EXT1: variants seen among roughly 807,000 people sequenced by gnomAD.
The protein encoded by EXT1 is exostosin-1.
A neutral mutation model predicts 82.5 loss-of-function variants in EXT1; 20 were observed. That is an observed-to-expected ratio of 0.24 (90% CI 0.17 to 0.35). EXT1 has a LOEUF of 0.35. EXT1 is among the 10% of genes least tolerant of loss of function. EXT1 has a pLI of 1.00. For missense variants in EXT1, 757 were observed against 936.5 expected (o/e 0.81, Z 2.50); for synonymous variants, 348 against 350.8 (o/e 0.99, Z 0.09).
intron 1 of EXT1, among the ~76,000 whole-genome samples, chr8:118,098,963 A>C (rs1817668979): frequency 6.6e-6 from 1 of 151,246 alleles, no homozygotes; most frequent in Admixed American, 6.6e-5. Flanking sequence ...TTGGTAGACA[A>C]GTTTTCAAAT....
In EXT1 at chr8:117,818,563, G is replaced by A. The variant is rs778933295; in HGVS notation, c.1537-33C>T. 6.4e-6 allele frequency: 10 copies of A among 1,551,468 alleles called. No individual in the cohort carries two copies. The Admixed American group carries it at 1.5e-4, about 23-fold the overall frequency. On this transcript the variant is annotated intron_variant, in intron 6 of 10. Coordinates refer to ENST00000378204, the MANE Select transcript of EXT1 (RefSeq NM_000127.3). Reference sequence around the variant, plus strand: ...GGATGGGGCTCATTAGATGGCTGGGGTAGGATGTATTTATGTATGCCTCCA... The same window carrying A: ...GGATGGGGCTCATTAGATGGCTGGGATAGGATGTATTTATGTATGCCTCCA...
chr8:117,887,931 C>T (rs981800965), intron 1 of EXT1, among the ~76,000 whole-genome samples: 1 of 151,408 alleles, frequency 6.6e-6, no homozygotes, highest in African/African-American at 2.4e-5. Context: ...ACTAAAAATA[C>T]AAAATTAGCC....
intron 1 of EXT1, among the ~76,000 whole-genome samples, chr8:117,929,777 T>C (rs554736254): frequency 1.3e-5 from 2 of 152,300 alleles, no homozygotes; most frequent in South Asian, 2.1e-4. Flanking sequence ...GGTATGTATC[T>C]CAATATGGGC....
At chr8:117,826,295 C>G (rs1476649936) in intron 4 of EXT1, among the ~76,000 whole-genome samples, 1 of 152,192 alleles carries the variant, frequency 6.6e-6, no homozygotes, top group Non-Finnish European at 1.5e-5. Context: ...ACCTACAACT[C>G]TAGGGCTCAT....
rs927237950 is a variant in EXT1, at chr8:118,092,942, C to T, written c.962+17143G>A. Among the ~76,000 whole-genome samples the T allele has an allele frequency of 2.6e-5, 4 of 152,218 alleles. No individual in the cohort carries two copies. In the South Asian group the frequency reaches 6.2e-4, roughly 24 times the overall value. ...GAATAGGAGCAAACTGAGAAAGCTC[C>T]CAGGCCACACCATGCCTGGGAGTTC... On this transcript the variant is annotated intron_variant, in intron 1 of 10. Transcript: ENST00000378204.
intron 6 of EXT1, 77 bp downstream of exon 6, chr8:117,819,599 G>A (rs1811887834): frequency 3.2e-6 from 4 of 1,250,684 alleles, no homozygotes; most frequent in Non-Finnish European, 4.7e-6. Context: ...GAGCCCGGGG[G>A]ATAACAGGTA....
At chr8:117,999,908 A>T (rs1449632944) in intron 1 of EXT1, among the ~76,000 whole-genome samples, 1 of 152,110 alleles carries the variant, frequency 6.6e-6, no homozygotes, top group African/African-American at 2.4e-5. Flanking sequence ...AGCTAAAAGG[A>T]GATTTTTCAC....
chr8:117,823,647 T>A (rs1811960894), intron 4 of EXT1, among the ~76,000 whole-genome samples: 1 of 152,206 alleles, frequency 6.6e-6, no homozygotes, highest in Non-Finnish European at 1.5e-5. Flanking sequence ...GCTAAGGTTA[T>A]TAACACCCTC....
chr8:117,812,145 T>C (rs1823336190), intron 8 of EXT1, among the ~76,000 whole-genome samples: 1 of 152,242 alleles, frequency 6.6e-6, no homozygotes, highest in Admixed American at 6.5e-5. Context: ...CCATTAATAA[T>C]GTATTTCTCA....
chr8:117,812,670 A>G lies in EXT1; in HGVS notation c.1722+202T>C, dbSNP rs10955835. On this transcript the variant is annotated intron_variant, in intron 8 of 10. Coordinates refer to ENST00000378204, the MANE Select transcript of EXT1 (RefSeq NM_000127.3). The stretch of plus-strand genomic sequence containing the variant: ...TGAGGAGCCAATTAGCAGAGACAAC[A>G]AAGGGGAGATGCCCGCCTCAGAGTG... Among the ~76,000 whole-genome samples the G allele has an allele frequency of 0.47, 71,865 of 152,068 alleles. 17,700 individuals carry two copies. The highest frequency in any genetic ancestry group is 0.62 in the Admixed American group (9,513 of 15,284).
intron 1 of EXT1, among the ~76,000 whole-genome samples, chr8:118,100,729 A>C (rs1817702235): frequency 6.6e-6 from 1 of 151,802 alleles, no homozygotes; most frequent in South Asian, 2.1e-4. Context: ...CTGGCGACAG[A>C]GCGAGACTCC....
chr8:118,086,699 T>C (rs983673939), intron 1 of EXT1, among the ~76,000 whole-genome samples: 8 of 152,216 alleles, frequency 5.3e-5, no homozygotes, highest in Admixed American at 1.3e-4. Context: ...ATAATATGAA[T>C]GTTTCAGTAT....
At chr8:118,006,074 T>A (rs1192305368) in intron 1 of EXT1, among the ~76,000 whole-genome samples, 1 of 152,234 alleles carries the variant, frequency 6.6e-6, no homozygotes, top group Non-Finnish European at 1.5e-5. Flanking sequence ...TCCTCTCAGG[T>A]ATACTCAGCT....
intron 4 of EXT1, among the ~76,000 whole-genome samples, chr8:117,827,784 C>CA (rs768731740): frequency 0.014 from 780 of 54,122 alleles, 66 homozygotes; most frequent in East Asian, 0.041. Context: ...GACTCTGTCT[C>CA]AAAAAAAAAA....
chr8:117,876,150 G>A (rs965387888), intron 1 of EXT1, among the ~76,000 whole-genome samples: 7 of 152,168 alleles, frequency 4.6e-5, no homozygotes, highest in African/African-American at 1.7e-4. Context: ...CAACAATAAA[G>A]GGTGATAAAT....
At chr8:117,988,297 C>T (rs778618483) in intron 1 of EXT1, among the ~76,000 whole-genome samples, 3 of 152,032 alleles carry the variant, frequency 2.0e-5, no homozygotes, top group African/African-American at 4.8e-5. Flanking sequence ...ATTATTACTC[C>T]AAAAGGAAAA....
chr8:117,955,658 C>G (rs576998125), intron 1 of EXT1, among the ~76,000 whole-genome samples: 2 of 152,088 alleles, frequency 1.3e-5, no homozygotes, highest in Non-Finnish European at 2.9e-5. Flanking sequence ...CGGGTTCAAG[C>G]GATTCTCATG....
At chr8:118,069,689 A>G (rs1320633533) in intron 1 of EXT1, among the ~76,000 whole-genome samples, 1 of 152,154 alleles carries the variant, frequency 6.6e-6, no homozygotes, top group African/African-American at 2.4e-5. Flanking sequence ...GTTAAAGGAT[A>G]CTTGTAGCAA....
chr8:117,858,800 C>CAAGGG (rs1812621423), intron 1 of EXT1, among the ~76,000 whole-genome samples: 10 of 71,738 alleles, frequency 1.4e-4, no homozygotes, highest in Non-Finnish European at 2.3e-4. Context: ...CAAGGCAAGG[C>CAAGGG]AAGGCAAGGC....
Sources: gnomAD v4.1 joint callset for allele counts (sites outside exome capture counted in the v4.1 genomes callset) on GRCh38, gnomAD v4.1.1 for gene constraint, MANE v1.5 for transcripts, NCBI Gene and HGNC (gene_info 2026-07-23, HGNC 2026-07-21) for gene names.